CPE: variants seen among roughly 807,000 people sequenced by gnomAD.
The protein encoded by CPE is carbocypeptidase E.
CPE carries 17 observed loss-of-function variants against 53.5 expected under a neutral mutation model. The ratio of observed to expected loss-of-function variants is 0.32; its 90% confidence interval spans 0.22 to 0.48. The LOEUF is 0.48. Ranked by LOEUF, CPE falls within the 20% of genes least tolerant of loss-of-function variation. The probability of loss-of-function intolerance (pLI) is 0.99; values close to 1 mark genes in which losing one functional copy is unlikely to be tolerated. For missense variants in CPE, 524 were observed against 614.7 expected (o/e 0.85, Z 1.56); for synonymous variants, 226 against 228.8 (o/e 0.99, Z 0.11).
intron 1 of CPE, among the ~76,000 whole-genome samples, chr4:165,459,026 G>A (rs1048221702): frequency 6.6e-6 from 1 of 152,154 alleles, no homozygotes; most frequent in Non-Finnish European, 1.5e-5. Flanking sequence ...TACCATTTGG[G>A]AACATTGCTA....
chr4:165,379,829 G>C lies in CPE; in HGVS notation c.307+301G>C, dbSNP rs1341408998. 6.6e-6 allele frequency among the ~76,000 whole-genome samples: 1 copy of C among 152,002 alleles called. No homozygotes were observed. The highest frequency in any genetic ancestry group is 1.5e-5 in the Non-Finnish European group (1 of 67,928). Reference sequence around the variant, plus strand: ...TTGGGAGGCTGGGGTGGCGGGGGATGGGGGGGATAGCAATACAGAAAAAAC... The same window carrying C: ...TTGGGAGGCTGGGGTGGCGGGGGATCGGGGGGATAGCAATACAGAAAAAAC... On this transcript the variant is annotated intron_variant, in intron 1 of 8. Coordinates refer to ENST00000402744, the MANE Select transcript of CPE (RefSeq NM_001873.4). This position sits in a 1 kb window ranked among gnomAD's most constrained non-coding sequence, Gnocchi z 6.0.
At chr4:165,391,011 CT>C (rs896542240) in intron 1 of CPE, among the ~76,000 whole-genome samples, 15 of 152,108 alleles carry the variant, frequency 9.9e-5, no homozygotes, top group African/African-American at 3.6e-4. Context: ...GCACCTTATG[CT>C]ATTTTAACAA....
chr4:165,470,139 G>A (rs1339362029), intron 3 of CPE, among the ~76,000 whole-genome samples: 1 of 152,160 alleles, frequency 6.6e-6, no homozygotes, highest in Non-Finnish European at 1.5e-5. Context: ...TAGAGCAGGA[G>A]TGAAAGTTTA....
At chr4:165,402,581 C>G (rs1181951507) in intron 1 of CPE, among the ~76,000 whole-genome samples, 4 of 152,192 alleles carry the variant, frequency 2.6e-5, no homozygotes, top group African/African-American at 9.7e-5. Context: ...GTACCTCCCC[C>G]ACCTTACTCC....
chr4:165,454,355 T>G (rs901244548), intron 1 of CPE, among the ~76,000 whole-genome samples: 3 of 145,758 alleles, frequency 2.1e-5, no homozygotes, highest in Non-Finnish European at 3.0e-5. Context: ...TTCATGATGA[T>G]GTTGAAAAAA....
intron 1 of CPE, chr4:165,405,769 A>T: frequency 5.5e-6 from 5 of 906,206 alleles, no homozygotes; most frequent in Non-Finnish European, 9.2e-6. Context: ...AGTCAGCATC[A>T]TGTCAAAAGC....
At chr4:165,470,330 G>A (rs1327890451) in intron 3 of CPE, among the ~76,000 whole-genome samples, 1 of 152,134 alleles carries the variant, frequency 6.6e-6, no homozygotes, top group Non-Finnish European at 1.5e-5. Flanking sequence ...GGGGTGGGCT[G>A]TCCACATGCA....
rs144092887 is a variant in CPE, at chr4:165,473,843, C to T, written c.672+5988C>T. 1.4e-3 allele frequency among the ~76,000 whole-genome samples: 216 copies of T among 152,340 alleles called. 1 individual carries two copies. Among genetic ancestry groups the T allele is most frequent in the African/African-American group, 5.1e-3 (213 of 41,574 alleles). On this transcript the variant is annotated intron_variant, in intron 3 of 8. Coordinates refer to ENST00000402744, the MANE Select transcript of CPE (RefSeq NM_001873.4). ...AAGGGAAATTTATAATTTTACTCCT[C>T]CAGGAGTTTCTCTTAGCTTTGTCTT...
intron 1 of CPE, among the ~76,000 whole-genome samples, chr4:165,431,957 CTCTT>C (rs1731415925): frequency 6.6e-6 from 1 of 151,862 alleles, no homozygotes; most frequent in African/African-American, 2.4e-5. Context: ...ACAAAAACAT[CTCTT>C]TCTTTTCCTC....
chr4:165,447,203 G>A (rs1027254860), intron 1 of CPE, among the ~76,000 whole-genome samples: 20 of 152,246 alleles, frequency 1.3e-4, no homozygotes, highest in Admixed American at 3.9e-4. Flanking sequence ...TGAATGTGAC[G>A]GCCTAGGACA....
At chr4:165,399,310 T>C (rs1730830461) in intron 1 of CPE, among the ~76,000 whole-genome samples, 1 of 152,226 alleles carries the variant, frequency 6.6e-6, no homozygotes, top group Non-Finnish European at 1.5e-5. Flanking sequence ...TCTATTCTAC[T>C]AATTATAACT....
At chr4:165,387,061 C>T (rs1025043556) in intron 1 of CPE, among the ~76,000 whole-genome samples, 4 of 152,270 alleles carry the variant, frequency 2.6e-5, no homozygotes, top group East Asian at 1.9e-4. Flanking sequence ...GCTCTGTGAA[C>T]GTTTCTCTTT....
intron 3 of CPE, among the ~76,000 whole-genome samples, 181 bp downstream of exon 3, chr4:165,468,036 G>A (rs1175697429): frequency 6.6e-6 from 1 of 152,112 alleles, no homozygotes; most frequent in Non-Finnish European, 1.5e-5. Flanking sequence ...CCCTAGAATT[G>A]GGCCGTAGGT....
chr4:165,483,367 C>A lies in CPE; in HGVS notation c.790+1008C>A, dbSNP rs561170217. ...AGTATTGCATAGTGTATATGTACCA[C>A]ATTTTCTTTATCTAATCAACCATTG... On this transcript the variant is annotated intron_variant, in intron 4 of 8. Coordinates refer to ENST00000402744, the MANE Select transcript of CPE (RefSeq NM_001873.4). Among the ~76,000 whole-genome samples the A allele has an allele frequency of 2.2e-4, 33 of 152,278 alleles. No homozygotes were observed. The South Asian group carries it at 5.4e-3, about 25-fold the overall frequency.
intron 1 of CPE, among the ~76,000 whole-genome samples, chr4:165,412,856 C>T (rs1731063053): frequency 6.6e-6 from 1 of 152,250 alleles, no homozygotes; most frequent in African/African-American, 2.4e-5. Flanking sequence ...AGCCTCTAAG[C>T]AGCCATGTAT....
At chr4:165,419,231 G>A (rs1219475653) in intron 1 of CPE, among the ~76,000 whole-genome samples, 1 of 151,966 alleles carries the variant, frequency 6.6e-6, no homozygotes, top group East Asian at 1.9e-4. Flanking sequence ...TATTTTTATT[G>A]TTTCTCTCTT....
chr4:165,481,016 A>ATATTT (rs1491161430), intron 3 of CPE, among the ~76,000 whole-genome samples: 3 of 111,040 alleles, frequency 2.7e-5, no homozygotes, highest in Non-Finnish European at 5.4e-5. Context: ...ATATATATAT[A>ATATTT]TTTTTTTTTT....
chr4:165,481,322 A>G (rs534325856), intron 3 of CPE, among the ~76,000 whole-genome samples: 1 of 152,290 alleles, frequency 6.6e-6, no homozygotes, highest in East Asian at 1.9e-4. Context: ...AGTGCAGTAA[A>G]ATAGTTCATG....
chr4:165,487,505 G>A lies in CPE; in HGVS notation c.1041G>A (p.Lys347=), dbSNP rs2126714354. The A allele has an allele frequency of 6.2e-7, 1 of 1,614,102 alleles. No homozygotes were observed. The highest frequency in any genetic ancestry group is 2.2e-5 in the East Asian group (1 of 44,862). Residue 347 remains lysine, a synonymous_variant, in exon 6 of 9, where the codon AAG becomes AAA. Coordinates refer to ENST00000402744, the MANE Select transcript of CPE (RefSeq NM_001873.4). ...FEITVELSCE[K]FPPEETLKTY... is the part of the protein sequence containing the mutation. Reference sequence around the variant, plus strand: ...TCACCGTGGAGCTTAGCTGTGAGAAGTTCCCACCTGAAGAGACTCTGAAGA... The same window carrying A: ...TCACCGTGGAGCTTAGCTGTGAGAAATTCCCACCTGAAGAGACTCTGAAGA...
Sources: allele counts gnomAD v4.1 joint callset (sites outside exome capture counted in the v4.1 genomes callset), GRCh38; gene constraint gnomAD v4.1.1; non-coding constraint Gnocchi (gnomAD v3.1); transcripts MANE v1.5; gene names NCBI Gene and HGNC (gene_info 2026-07-23, HGNC 2026-07-21).